The following CNTN1 variants were observed in gnomAD, a reference collection of about 807,000 sequenced individuals.
CNTN1 encodes contactin-1.
A neutral mutation model predicts 126.4 loss-of-function variants in CNTN1; 38 were observed. The ratio of observed to expected loss-of-function variants is 0.30; its 90% CI spans 0.23 to 0.39. CNTN1 has a LOEUF of 0.39. CNTN1 is among the 10% of genes least tolerant of loss of function. The pLI is 1.00. For missense variants in CNTN1, 1,009 were observed against 1,248.4 expected, an observed-to-expected ratio of 0.81 and a Z score of 2.89; for synonymous variants, 413 against 422.6, an observed-to-expected ratio of 0.98 and a Z score of 0.28.
chr12:40,946,902 C>T (rs1297105759), intron 14 of CNTN1, among the ~76,000 whole-genome samples: 2 of 151,912 alleles, frequency 1.3e-5, no homozygotes, highest in Non-Finnish European at 2.9e-5. Context: ...AATGCATTTG[C>T]TCCTACTTAT....
intron 15 of CNTN1, among the ~76,000 whole-genome samples, chr12:40,973,308 T>G (rs1947578463): frequency 6.6e-6 from 1 of 152,128 alleles, no homozygotes; most frequent in Admixed American, 6.6e-5. Flanking sequence ...TAAAATAGGA[T>G]ATTGGAGCCA....
intron 1 of CNTN1, among the ~76,000 whole-genome samples, chr12:40,740,849 G>A (rs566861275): frequency 2.6e-5 from 4 of 152,148 alleles, no homozygotes; most frequent in Admixed American, 1.3e-4. Flanking sequence ...CTTGCCTGCC[G>A]CCATGTAAGA....
intron 1 of CNTN1, among the ~76,000 whole-genome samples, chr12:40,771,481 T>C (rs7484848): frequency 0.14 from 21,614 of 152,074 alleles, 1,720 homozygotes; most frequent in South Asian, 0.21. Context: ...GGAAACTCTA[T>C]ATATTTAAGA....
chr12:40,877,155 G>A (rs1479279538), intron 1 of CNTN1, among the ~76,000 whole-genome samples: 1 of 152,112 alleles, frequency 6.6e-6, no homozygotes, highest in Non-Finnish European at 1.5e-5. Flanking sequence ...TGCTATTATA[G>A]CTAGACTAAC....
At chr12:40,867,925 G>T (rs1271010851) in intron 1 of CNTN1, among the ~76,000 whole-genome samples, 1 of 146,908 alleles carries the variant, frequency 6.8e-6, no homozygotes, top group Non-Finnish European at 1.5e-5. Flanking sequence ...GATATCTTTG[G>T]TGGTACTTTT....
chr12:40,786,880 A>C (rs920280597), intron 1 of CNTN1, among the ~76,000 whole-genome samples: 1 of 152,158 alleles, frequency 6.6e-6, no homozygotes, highest in Non-Finnish European at 1.5e-5. Context: ...TTTCAGTTAT[A>C]CATTATTTAA....
chr12:41,069,903 A>G, intron 23 of CNTN1, 56 bp from the exon 24 acceptor site: 1 of 1,405,954 alleles, frequency 7.1e-7, no homozygotes, highest in Non-Finnish European at 1.0e-6. Flanking sequence ...AGACTAAATG[A>G]GCAATAGTGA....
intron 14 of CNTN1, among the ~76,000 whole-genome samples, chr12:40,956,980 T>C (rs1028599829): frequency 8.6e-5 from 13 of 151,800 alleles, no homozygotes; most frequent in Middle Eastern, 3.2e-3. Context: ...GAATTTATGA[T>C]GAGTTTATGA....
intron 17 of CNTN1, among the ~76,000 whole-genome samples, chr12:41,012,186 C>G (rs953098724): frequency 6.6e-6 from 1 of 150,670 alleles, no homozygotes; most frequent in Admixed American, 6.6e-5. Flanking sequence ...CATGTGCTCT[C>G]CAGATCAAGG....
intron 5 of CNTN1, among the ~76,000 whole-genome samples, chr12:40,923,863 C>A (rs1418176260): frequency 6.6e-6 from 1 of 151,910 alleles, no homozygotes; most frequent in East Asian, 1.9e-4. Context: ...AGAAAAGTAA[C>A]AATTCAATGT....
At chr12:41,053,698 T>C (rs1949739027) in intron 23 of CNTN1, among the ~76,000 whole-genome samples, 1 of 151,248 alleles carries the variant, frequency 6.6e-6, no homozygotes, top group African/African-American at 2.4e-5. Context: ...TTAAAATAAC[T>C]AACATATATT....
chr12:40,788,469 T>G (rs1947050), intron 1 of CNTN1, among the ~76,000 whole-genome samples: 146,378 of 152,090 alleles, frequency 0.96, 70,683 homozygotes, highest in East Asian at 1. Context: ...AGCCTGGCCA[T>G]GCTCTCCTTT....
At chr12:40,842,195 A>G (rs1291622991) in intron 1 of CNTN1, among the ~76,000 whole-genome samples, 1 of 152,082 alleles carries the variant, frequency 6.6e-6, no homozygotes, top group Non-Finnish European at 1.5e-5. Context: ...TGTTTGTTGC[A>G]TGTACCCTGC....
intron 3 of CNTN1, among the ~76,000 whole-genome samples, chr12:40,913,080 A>T (rs754208570): frequency 1.3e-5 from 2 of 152,242 alleles, no homozygotes; most frequent in Non-Finnish European, 2.9e-5. Context: ...TTGGGCAGGT[A>T]AAGCCAAGCA....
At chr12:40,842,326 C>T (rs948239389) in intron 1 of CNTN1, among the ~76,000 whole-genome samples, 9 of 151,776 alleles carry the variant, frequency 5.9e-5, no homozygotes, top group Non-Finnish European at 1.3e-4. Context: ...GTTCAGTGTT[C>T]AATAATAAAA....
chr12:40,998,704 A>G (rs1337666492), intron 17 of CNTN1, among the ~76,000 whole-genome samples: 1 of 152,106 alleles, frequency 6.6e-6, no homozygotes, highest in East Asian at 1.9e-4. Flanking sequence ...AATAAAAAAG[A>G]ATGTATGTAT....
rs1339249711 is a variant in CNTN1, at chr12:40,929,778, G to A, written c.497-18G>A. Reference sequence around the variant, plus strand: ...TGGGAGAAGCACTTAATATTTAGAAGGCAATATTTTCTCCTAGATGATCTT... The same window carrying A: ...TGGGAGAAGCACTTAATATTTAGAAAGCAATATTTTCTCCTAGATGATCTT... On this transcript the variant is annotated intron_variant, in intron 6 of 23. Coordinates refer to ENST00000551295, the MANE Select transcript of CNTN1 (RefSeq NM_001843.4). 1 of 1,581,858 alleles carries A rather than the reference G, an allele frequency of 6.3e-7. No individual in the cohort carries two copies. The highest frequency in any genetic ancestry group is 1.3e-5 in the African/African-American group (1 of 74,146).
intron 23 of CNTN1, among the ~76,000 whole-genome samples, chr12:41,039,731 G>A (rs1217748280): frequency 6.6e-6 from 1 of 152,044 alleles, no homozygotes; most frequent in Non-Finnish European, 1.5e-5. Flanking sequence ...GGAGATGGAG[G>A]AAACAGAGAT....
intron 3 of CNTN1, among the ~76,000 whole-genome samples, chr12:40,912,295 C>T (rs1228896137): frequency 2.0e-5 from 3 of 151,386 alleles, no homozygotes; most frequent in Admixed American, 1.3e-4. Context: ...ATAAGTTGCA[C>T]ATAATCTGTA....
Sources: gnomAD v4.1 joint callset for allele counts (sites outside exome capture counted in the v4.1 genomes callset) on GRCh38, gnomAD v4.1.1 for gene constraint, MANE v1.5 for transcripts, NCBI Gene and HGNC (gene_info 2026-07-23, HGNC 2026-07-21) for gene names.